The following LRP1B variants were observed in gnomAD, a reference collection of about 807,000 sequenced individuals.
LRP1B encodes low-density lipoprotein receptor-related protein 1B.
Under a neutral mutation model 556.6 loss-of-function variants are expected in LRP1B, and 217 were observed. That is an observed-to-expected ratio of 0.39 (90% confidence interval 0.35 to 0.44). The LOEUF (loss-of-function observed/expected upper bound fraction) is 0.44, where lower values mean the gene tolerates loss of function less well. Ranked by LOEUF, LRP1B falls within the 20% of genes least tolerant of loss-of-function variation. LRP1B has a pLI of 1.00. For missense variants in LRP1B, 5,053 were observed against 5,620.8 expected, an observed-to-expected ratio of 0.90 and a Z score of 3.23; for synonymous variants, 2,047 against 1,865.8, an observed-to-expected ratio of 1.10 and a Z score of -2.50.
At chr2:141,625,219 T>C (rs1688664040) in intron 2 of LRP1B, among the ~76,000 whole-genome samples, 1 of 152,232 alleles carries the variant, frequency 6.6e-6, no homozygotes, top group Non-Finnish European at 1.5e-5. Flanking sequence ...GCTGATGAAG[T>C]CTTCAATAAG....
At chr2:141,833,768 T>C (rs1202875376) in intron 1 of LRP1B, among the ~76,000 whole-genome samples, 1 of 151,854 alleles carries the variant, frequency 6.6e-6, no homozygotes, top group East Asian at 1.9e-4. Context: ...TTGATGGTTG[T>C]TTTATTAGAA....
At chr2:141,490,369 T>TTGTG (rs557540972) in intron 2 of LRP1B, among the ~76,000 whole-genome samples, 10,024 of 108,586 alleles carry the variant, frequency 0.092, 438 homozygotes, top group South Asian at 0.15. Flanking sequence ...TAAAATAGCC[T>TTGTG]CGTGTGTGTG....
intron 1 of LRP1B, among the ~76,000 whole-genome samples, chr2:141,892,941 T>C (rs770833351): frequency 1.3e-5 from 2 of 152,188 alleles, no homozygotes; most frequent in Non-Finnish European, 2.9e-5. Context: ...ATTTGAGCTA[T>C]AGGTTTTCTG....
At chr2:140,929,118 G>C (rs1050725356) in intron 20 of LRP1B, among the ~76,000 whole-genome samples, 1 of 152,048 alleles carries the variant, frequency 6.6e-6, no homozygotes, top group African/African-American at 2.4e-5. Flanking sequence ...AGTAGAAGTA[G>C]AAAAAACAGA....
At chr2:141,427,696 C>G (rs1257322026) in intron 3 of LRP1B, among the ~76,000 whole-genome samples, 4 of 151,826 alleles carry the variant, frequency 2.6e-5, no homozygotes, top group Non-Finnish European at 5.9e-5. Flanking sequence ...TTTTTGTGGA[C>G]TTTGGTTGGT....
At chr2:141,603,734 T>C (rs1385565336) in intron 2 of LRP1B, among the ~76,000 whole-genome samples, 8 of 152,194 alleles carry the variant, frequency 5.3e-5, no homozygotes, top group Non-Finnish European at 1.0e-4. Context: ...GTGTATACCA[T>C]AGTTACTTAA....
At chr2:140,450,804 A>C in intron 62 of LRP1B, 143 bp from the exon 63 acceptor site, 1 of 602,264 alleles carries the variant, frequency 1.7e-6, no homozygotes, top group South Asian at 2.1e-5. Context: ...CACAATAGGA[A>C]CTAAATACAC....
chr2:140,324,356 C>A (rs560281442), intron 80 of LRP1B, among the ~76,000 whole-genome samples: 1 of 152,066 alleles, frequency 6.6e-6, no homozygotes, highest in Non-Finnish European at 1.5e-5. Flanking sequence ...CAGACTAATC[C>A]TCTCTGCTAT....
intron 7 of LRP1B, among the ~76,000 whole-genome samples, chr2:141,071,175 T>C: frequency 6.6e-6 from 1 of 150,516 alleles, no homozygotes; most frequent in East Asian, 2.0e-4. Context: ...GTGGGCTTCA[T>C]CCCTGGGATG....
intron 2 of LRP1B, among the ~76,000 whole-genome samples, chr2:141,678,658 A>G (rs907231439): frequency 3.3e-5 from 5 of 152,210 alleles, no homozygotes; most frequent in African/African-American, 1.2e-4. Context: ...AGAACACTCA[A>G]AGAATATCTA....
At chr2:141,538,172 G>A (rs755533887) in intron 2 of LRP1B, among the ~76,000 whole-genome samples, 1 of 152,016 alleles carries the variant, frequency 6.6e-6, no homozygotes, top group African/African-American at 2.4e-5. Context: ...CCACACAACC[G>A]CCATTTGCTT....
chr2:142,112,970 T>C (rs1003223492), intron 1 of LRP1B, among the ~76,000 whole-genome samples: 4 of 152,128 alleles, frequency 2.6e-5, no homozygotes, highest in African/African-American at 4.8e-5. Context: ...TCTAACTAGA[T>C]GCTAATAAAA....
chr2:141,274,920 T>C (rs1013165129), intron 3 of LRP1B, among the ~76,000 whole-genome samples: 1 of 152,108 alleles, frequency 6.6e-6, no homozygotes, highest in Non-Finnish European at 1.5e-5. Flanking sequence ...GACATATAAG[T>C]CAACCAAAAA....
chr2:140,391,732 C>T (rs1011887725), intron 66 of LRP1B, among the ~76,000 whole-genome samples: 7 of 151,936 alleles, frequency 4.6e-5, no homozygotes, highest in African/African-American at 7.3e-5. Context: ...AATTTGAATG[C>T]TTTATATTAA....
intron 2 of LRP1B, among the ~76,000 whole-genome samples, chr2:141,514,039 C>A (rs1169309164): frequency 6.6e-6 from 1 of 152,188 alleles, no homozygotes; most frequent in African/African-American, 2.4e-5. Flanking sequence ...TCTGCCTCCT[C>A]TCAGTTCCTC....
intron 23 of LRP1B, among the ~76,000 whole-genome samples, chr2:140,893,509 T>G (rs1327422554): frequency 6.6e-6 from 1 of 152,180 alleles, no homozygotes; most frequent in African/African-American, 2.4e-5. Context: ...TAACATCTCT[T>G]AGCCACAACC....
At chr2:141,073,808 A>G (rs898643138) in intron 7 of LRP1B, among the ~76,000 whole-genome samples, 39 of 151,934 alleles carry the variant, frequency 2.6e-4, no homozygotes, top group African/African-American at 9.4e-4. Flanking sequence ...CCAACTTATC[A>G]CCACATCCTG....
At chr2:141,729,971 G>A (rs1341093958) in intron 2 of LRP1B, among the ~76,000 whole-genome samples, 1 of 152,104 alleles carries the variant, frequency 6.6e-6, no homozygotes, top group Admixed American at 6.6e-5. Context: ...GGTTGAGAGT[G>A]TGCATTAAAT....
At chr2:140,941,474 G>C (rs957491562) in intron 20 of LRP1B, among the ~76,000 whole-genome samples, 3 of 152,114 alleles carry the variant, frequency 2.0e-5, no homozygotes, top group Non-Finnish European at 2.9e-5. Flanking sequence ...AACCAAACCA[G>C]ACCTAAGCAA....
Sources: allele counts gnomAD v4.1 joint callset (sites outside exome capture counted in the v4.1 genomes callset), GRCh38; gene constraint gnomAD v4.1.1; transcripts MANE v1.5; gene names NCBI Gene and HGNC (gene_info 2026-07-23, HGNC 2026-07-21).